The following HUWE1 variants were observed in gnomAD, a reference collection of about 807,000 sequenced individuals.
HUWE1 encodes E3 ubiquitin-protein ligase HUWE1.
Under a neutral mutation model 299.4 loss-of-function variants are expected in HUWE1, and 18 were observed. That is an observed-to-expected ratio of 0.06 (90% CI 0.04 to 0.09). The LOEUF (loss-of-function observed/expected upper bound fraction) is 0.09. Among genes scored for constraint, HUWE1 ranks in the 10% least tolerant of loss-of-function variants. HUWE1 has a pLI of 1.00. For synonymous variants in HUWE1, 1,317 were observed against 1,286.1 expected, an observed-to-expected ratio of 1.02 and a Z score of -0.51; for missense variants, 1,832 against 3,462.3, an observed-to-expected ratio of 0.53 and a Z score of 11.82.
At chrX:53,620,137 CAGTT>C (rs1173144735) in intron 19 of HUWE1, among the ~76,000 whole-genome samples, 2 of 111,681 alleles carry the variant, frequency 1.8e-5, no homozygotes, top group African/African-American at 3.3e-5. Context: ...TTATAGCCCT[CAGTT>C]AGTTCCCTTT....
rs1212034242 is a variant in HUWE1, at chrX:53,566,091, C to CTATG, written c.6708-856_6708-853dup. On this transcript the variant is annotated intron_variant, in intron 49 of 83. Transcript: ENST00000262854. ...TTTATGTGTGTATTTATGTGTGAGTCTATGTATGTATGTATGTATGTATGT... is the reference window on the plus strand; with the variant it reads ...TTTATGTGTGTATTTATGTGTGAGTCTATGTATGTATGTATGTATGTATGTATGT... Among the ~76,000 whole-genome samples, 3 of 79,062 alleles carry CTATG rather than the reference C, an allele frequency of 3.8e-5. 1 individual carries two copies. The highest frequency in any genetic ancestry group is 1.5e-4 in the African/African-American group (3 of 20,168). The allele number at this position is 79,062 out of a possible 115,157, so 68.7% of individuals were successfully genotyped here.
intron 28 of HUWE1, among the ~76,000 whole-genome samples, chrX:53,601,284 C>T (rs1218534597): frequency 4.6e-5 from 5 of 109,296 alleles, no homozygotes; most frequent in African/African-American, 1.0e-4. Flanking sequence ...TGGGCTCAAG[C>T]GATCCTCCCA....
At chrX:53,547,185 T>G (rs1280095189) in intron 68 of HUWE1, among the ~76,000 whole-genome samples, 1 of 112,003 alleles carries the variant, frequency 8.9e-6, no homozygotes, top group African/African-American at 3.2e-5. Context: ...TAAAACCTAC[T>G]TCTTCAGATA....
intron 53 of HUWE1, 81 bp from the exon 54 acceptor site, chrX:53,562,325 G>C: frequency 1.8e-6 from 2 of 1,110,126 alleles, no homozygotes; most frequent in South Asian, 3.9e-5. Flanking sequence ...GGCTGAGTGG[G>C]AAGGTGATGG....
intron 59 of HUWE1, 62 bp from the exon 60 acceptor site, chrX:53,557,489 G>A: frequency 1.1e-6 from 1 of 924,671 alleles, no homozygotes; most frequent in Non-Finnish European, 1.6e-6. Context: ...GAGGTCAACT[G>A]TAATAGTCAC....
intron 78 of HUWE1, chrX:53,537,211 C>CA: frequency 6.9e-6 from 2 of 288,307 alleles, no homozygotes; most frequent in Non-Finnish European, 1.3e-5. Context: ...TCAGAATCAC[C>CA]AGTGAGCAGT....
At chrX:53,661,447 A>G (rs953783343) in intron 3 of HUWE1, among the ~76,000 whole-genome samples, 4 of 111,684 alleles carry the variant, frequency 3.6e-5, no homozygotes, top group Non-Finnish European at 7.5e-5. Flanking sequence ...AAATTACTCC[A>G]AGAGAGGAAA....
intron 74 of HUWE1, among the ~76,000 whole-genome samples, chrX:53,541,896 C>T (rs908261977): frequency 9.0e-6 from 1 of 111,540 alleles, no homozygotes; most frequent in Admixed American, 9.5e-5. Flanking sequence ...AAAACACATG[C>T]TGGGCTGGGC....
intron 57 of HUWE1, 75 bp from the exon 58 acceptor site, chrX:53,559,135 A>G (rs1406102563): frequency 4.0e-5 from 35 of 882,982 alleles, no homozygotes; most frequent in Non-Finnish European, 4.9e-5. Context: ...CAAAAATTGC[A>G]GTATTTCCCT....
intron 61 of HUWE1, among the ~76,000 whole-genome samples, chrX:53,553,230 G>A (rs2061842998): frequency 9.1e-6 from 1 of 109,413 alleles, no homozygotes; most frequent in Admixed American, 9.7e-5. Context: ...TGCAATCTCC[G>A]CCTCCTGGGT....
chrX:53,555,718 T>C (rs1270667514), intron 60 of HUWE1, among the ~76,000 whole-genome samples: 3 of 104,566 alleles, frequency 2.9e-5, no homozygotes, highest in Admixed American at 2.1e-4. Flanking sequence ...CTCAGCTCAC[T>C]GAAGCCTCCA....
intron 43 of HUWE1, among the ~76,000 whole-genome samples, chrX:53,578,883 GC>G: frequency 3.9e-5 from 3 of 76,814 alleles, no homozygotes; most frequent in Admixed American, 1.2e-4. Flanking sequence ...CCGGCCAGCC[GC>G]CCCGTCCGGG....
intron 7 of HUWE1, among the ~76,000 whole-genome samples, chrX:53,635,859 C>T (rs1427757734): frequency 7.2e-5 from 8 of 111,268 alleles, no homozygotes; most frequent in African/African-American, 2.6e-4. Context: ...ATGCCAGTCA[C>T]AAAGGTACCT....
In HUWE1 at chrX:53,608,764, CGGTAATTACT is replaced by C; in HGVS notation, c.2319+78_2319+87del. 3 of 604,630 alleles carry C rather than the reference CGGTAATTACT, an allele frequency of 5.0e-6. No homozygotes were observed. In the Admixed American group the frequency reaches 6.7e-5, roughly 13 times the overall value. The allele number at this position is 604,630 out of a possible 1,213,427, so 49.8% of individuals were successfully genotyped here. On this transcript the variant is annotated intron_variant, in intron 24 of 83. Transcript: ENST00000262854. ...AATTGGATTCCAATTAAAATGAATA[CGGTAATTACT>C]GGACTCTGATAACGAAACACATTTT...
At position 53,546,557 on chromosome X, in the gene HUWE1, T is replaced by C. The variant is rs1478468692; in HGVS notation, c.10794A>G (p.Leu3598=). 4.1e-6 allele frequency: 5 copies of C among 1,207,953 alleles called. No homozygotes were observed. The highest frequency in any genetic ancestry group is 5.6e-6 in the Non-Finnish European group (5 of 894,041). ...LTSHSCSEEG[L]EDAANVLLQL... ...GCAGTAGTACGTTGGCTGCATCCTC[T>C]AAGCCTTCCTCAGAACAAGAGTGGG... The change falls in exon 70 of 84, where the codon TTA becomes TTG. Residue 3598 remains leucine, a synonymous_variant. Coordinates refer to ENST00000262854, the MANE Select transcript of HUWE1 (RefSeq NM_031407.7).
At chrX:53,577,926 C>T (rs2063246264) in intron 43 of HUWE1, among the ~76,000 whole-genome samples, 1 of 114,050 alleles carries the variant, frequency 8.8e-6, no homozygotes, top group African/African-American at 3.2e-5. Flanking sequence ...GAGATTGCAG[C>T]CTCTGCCCGG....
intron 76 of HUWE1, 61 bp from the exon 77 acceptor site, chrX:53,538,515 G>T: frequency 1.2e-6 from 1 of 802,228 alleles, no homozygotes; most frequent in Non-Finnish European, 1.9e-6. Context: ...CTGTAAGACA[G>T]CCAACCAGCT....
chrX:53,679,241 T>C (rs1210546174), intron 3 of HUWE1, among the ~76,000 whole-genome samples: 3 of 111,196 alleles, frequency 2.7e-5, no homozygotes, highest in African/African-American at 9.8e-5. Flanking sequence ...TGCTTTGCAA[T>C]AAATGTGCTT....
In HUWE1 at chrX:53,575,204, T is replaced by C; in HGVS notation, c.6048A>G (p.Ala2016=). Reference sequence around the variant, plus strand: ...CGGAAGTCTCAGTGGAGGCACCATCTGCAGCAAAGACCTGACTCTGAAGAA... The same window carrying C: ...CGGAAGTCTCAGTGGAGGCACCATCCGCAGCAAAGACCTGACTCTGAAGAA... ...GFSINSQVFA[A]DGASTETSAS... Residue 2016 remains alanine, a synonymous_variant, in exon 46 of 84, where the codon GCA becomes GCG. Transcript: ENST00000262854. 1 of 1,203,715 alleles carries C rather than the reference T, an allele frequency of 8.3e-7. No individual in the cohort carries two copies. Among genetic ancestry groups the C allele is most frequent in the Non-Finnish European group, 1.1e-6 (1 of 888,715 alleles).
Sources: gnomAD v4.1 joint callset for allele counts (sites outside exome capture counted in the v4.1 genomes callset) on GRCh38, gnomAD v4.1.1 for gene constraint, MANE v1.5 for transcripts, NCBI Gene and HGNC (gene_info 2026-07-23, HGNC 2026-07-21) for gene names.